NOS1: variants seen among roughly 807,000 people sequenced by gnomAD.
NOS1 encodes the protein nitric oxide synthase 1.
NOS1 carries 51 observed loss-of-function variants against 164.5 expected under a neutral mutation model. The observed-to-expected ratio is 0.31, with a 90% CI of 0.25 to 0.39. The LOEUF is 0.39. NOS1 is among the 10% of genes least tolerant of loss of function. The pLI, the probability that NOS1 is intolerant of heterozygous loss-of-function variation, is 1.00. For missense variants in NOS1, 1,362 were observed against 1,885.6 expected, an observed-to-expected ratio of 0.72 and a Z score of 5.14; for synonymous variants, 719 against 745.8, an observed-to-expected ratio of 0.96 and a Z score of 0.59.
chr12:117,216,336 C>A (rs989512732), intron 28 of NOS1, among the ~76,000 whole-genome samples: 4 of 151,856 alleles, frequency 2.6e-5, no homozygotes, highest in Admixed American at 2.6e-4. Context: ...GCACCTGCCA[C>A]GACGCTCGGC....
intron 2 of NOS1, among the ~76,000 whole-genome samples, chr12:117,329,395 T>C (rs1022807540): frequency 1.3e-5 from 2 of 151,828 alleles, no homozygotes; most frequent in Non-Finnish European, 2.9e-5. Context: ...CACTTTGGGG[T>C]TCTTGGGGAA....
intron 10 of NOS1, among the ~76,000 whole-genome samples, chr12:117,268,416 G>C (rs546082792): frequency 2.6e-5 from 4 of 151,614 alleles, no homozygotes; most frequent in African/African-American, 9.7e-5. Flanking sequence ...ATTTTTAGTA[G>C]AGACGGGGTT....
Position 117,210,553 on chromosome 12 carries a change from G to A in NOS1, c.*4756C>T. On this transcript the variant is annotated 3_prime_UTR_variant, in exon 29 of 29. Coordinates refer to ENST00000317775, the MANE Select transcript of NOS1 (RefSeq NM_000620.5). ...GCTAGAAGTCCACAGATTTCCTAAT[G>A]GCAAGAATGAAAAGGCTGCATTAGG... The A allele has an allele frequency of 3.0e-6, 3 of 985,434 alleles. No homozygotes were observed. Among genetic ancestry groups the A allele is most frequent in the Non-Finnish European group, 3.6e-6 (3 of 829,964 alleles). The allele number at this position is 985,434 out of a possible 1,614,324, so 61.0% of individuals were successfully genotyped here. A position where few individuals can be genotyped will look rare whatever the true frequency, so the allele number is the denominator to read the frequency against.
intron 1 of NOS1, among the ~76,000 whole-genome samples, chr12:117,337,244 T>C (rs1276008078): frequency 6.7e-6 from 1 of 150,080 alleles, no homozygotes; most frequent in Non-Finnish European, 1.5e-5. Context: ...GCCTCCCGAG[T>C]AGCTGGGACT....
intron 23 of NOS1, among the ~76,000 whole-genome samples, 167 bp downstream of exon 23, chr12:117,227,264 C>T (rs1868777906): frequency 6.6e-6 from 1 of 152,142 alleles, no homozygotes; most frequent in Non-Finnish European, 1.5e-5. Flanking sequence ...TGGCTCTGCA[C>T]CAGGGGACAG....
At chr12:117,232,936 C>T (rs982864942) in intron 21 of NOS1, among the ~76,000 whole-genome samples, 3 of 151,392 alleles carry the variant, frequency 2.0e-5, no homozygotes, top group Non-Finnish European at 4.4e-5. Flanking sequence ...GGTGCGATCA[C>T]AACTCACTGT....
chr12:117,340,429 G>A (rs780778571), intron 1 of NOS1, among the ~76,000 whole-genome samples: 2 of 152,210 alleles, frequency 1.3e-5, no homozygotes, highest in Non-Finnish European at 2.9e-5. Context: ...CTCTCTCTGA[G>A]TCATAGTTTC....
chr12:117,223,010 C>T (rs1049913225), intron 25 of NOS1, 147 bp from the exon 26 acceptor site: 2 of 849,118 alleles, frequency 2.4e-6, no homozygotes, highest in Non-Finnish European at 3.7e-6. Context: ...TGTATGCGTG[C>T]ACACACATGT....
chr12:117,299,574 G>C (rs572301197), intron 3 of NOS1, among the ~76,000 whole-genome samples: 2 of 148,552 alleles, frequency 1.3e-5, no homozygotes, highest in East Asian at 4.0e-4. Context: ...GGGAGGCGGA[G>C]CTTGCAGTGA....
At chr12:117,255,851 T>G (rs1871396909) in intron 16 of NOS1, 2 of 767,858 alleles carry the variant, frequency 2.6e-6, no homozygotes, top group African/African-American at 3.6e-5. Flanking sequence ...CCTTGAGACC[T>G]AGATGTGTGG....
At chr12:117,256,130 G>A in intron 16 of NOS1, 2 of 573,612 alleles carry the variant, frequency 3.5e-6, no homozygotes, top group Non-Finnish European at 5.9e-6. Flanking sequence ...GTGGGAAGGA[G>A]AGAGGTAAGG....
At chr12:117,305,135 C>G in intron 3 of NOS1, 1 of 934,922 alleles carries the variant, frequency 1.1e-6, no homozygotes, top group Non-Finnish European at 1.3e-6. Flanking sequence ...GATGCTTAAA[C>G]AAGCCATAAA....
At chr12:117,271,766 T>C (rs1315887944) in intron 10 of NOS1, among the ~76,000 whole-genome samples, 1 of 152,234 alleles carries the variant, frequency 6.6e-6, no homozygotes, top group African/African-American at 2.4e-5. Flanking sequence ...GCAATCATGA[T>C]GCTTTCACCA....
chr12:117,312,098 A>G (rs1426282419), intron 2 of NOS1, among the ~76,000 whole-genome samples: 2 of 152,212 alleles, frequency 1.3e-5, no homozygotes, highest in Non-Finnish European at 2.9e-5. Flanking sequence ...GAACAATAGC[A>G]GCTCAGGACA....
At chr12:117,350,123 C>T (rs1455793391) in intron 1 of NOS1, among the ~76,000 whole-genome samples, 3 of 152,146 alleles carry the variant, frequency 2.0e-5, no homozygotes. Context: ...AAGAAAGTTT[C>T]TCCAAGTTTA....
Position 117,214,714 on chromosome 12 carries a change from C to T in NOS1, c.*595G>A, listed in dbSNP as rs949686900. 1.3e-5 allele frequency: 13 copies of T among 985,196 alleles called. No homozygotes were observed. The South Asian group carries it at 1.4e-4, about 11-fold the overall frequency. The allele number at this position is 985,196 out of a possible 1,614,324, so 61.0% of individuals were successfully genotyped here. A position where few individuals can be genotyped will look rare whatever the true frequency, so the allele number is the denominator to read the frequency against. Reference sequence around the variant, plus strand: ...GGCGTGGACCCTAATTATGGACACACGAGGGATTAATATGGGCCAGGGACA... The same window carrying T: ...GGCGTGGACCCTAATTATGGACACATGAGGGATTAATATGGGCCAGGGACA... On this transcript the variant is annotated 3_prime_UTR_variant, in exon 29 of 29. Transcript: ENST00000317775.
chr12:117,217,990 G>T, intron 28 of NOS1, 56 bp downstream of exon 28: 1 of 1,255,074 alleles, frequency 8.0e-7, no homozygotes, highest in Non-Finnish European at 1.2e-6. Flanking sequence ...CCTGCCCAGT[G>T]GGACCTAGAA....
intron 1 of NOS1, among the ~76,000 whole-genome samples, chr12:117,358,675 A>C (rs1280906604): frequency 1.3e-5 from 2 of 152,230 alleles, no homozygotes; most frequent in Non-Finnish European, 2.9e-5. Flanking sequence ...TTAAGTGATC[A>C]ACCTGAGGTC....
Position 117,211,882 on chromosome 12 carries a change from T to G in NOS1, c.*3427A>C. On this transcript the variant is annotated 3_prime_UTR_variant, in exon 29 of 29. Coordinates refer to ENST00000317775, the MANE Select transcript of NOS1 (RefSeq NM_000620.5). Reference sequence around the variant, plus strand: ...GAATTCAAGACCAGCCTGGCCAACATGGTGAAACCCTGACTCTACTAAAAA... The same window carrying G: ...GAATTCAAGACCAGCCTGGCCAACAGGGTGAAACCCTGACTCTACTAAAAA... 1.2e-6 allele frequency: 1 copy of G among 838,266 alleles called. No homozygotes were observed. The highest frequency in any genetic ancestry group is 1.2e-4 in the East Asian group (1 of 8,060). 51.9% of individuals were successfully genotyped at this position (838,266 alleles called of 1,614,324 possible).
Sources: allele counts gnomAD v4.1 joint callset (sites outside exome capture counted in the v4.1 genomes callset), GRCh38; gene constraint gnomAD v4.1.1; transcripts MANE v1.5; gene names NCBI Gene and HGNC (gene_info 2026-07-23, HGNC 2026-07-21).